ASIC2: variants seen among roughly 807,000 people sequenced by gnomAD.
ASIC2 encodes the protein acid-sensing ion channel 2.
ASIC2 carries 25 observed loss-of-function variants against 57.3 expected under a neutral mutation model. That is an observed-to-expected ratio of 0.44 (90% CI 0.32 to 0.61). ASIC2 has a LOEUF of 0.61. Among genes scored for constraint, ASIC2 ranks in the 20% least tolerant of loss-of-function variants. The pLI, the probability that ASIC2 is intolerant of heterozygous loss-of-function variation, is 0.06. For missense variants in ASIC2, 641 were observed against 738.1 expected, an observed-to-expected ratio of 0.87 and a Z score of 1.52; for synonymous variants, 319 against 307.5, an observed-to-expected ratio of 1.04 and a Z score of -0.39.
At chr17:33,832,456 C>G (rs1186005523) in intron 1 of ASIC2, among the ~76,000 whole-genome samples, 1 of 152,180 alleles carries the variant, frequency 6.6e-6, no homozygotes, top group East Asian at 1.9e-4. Flanking sequence ...TAATGACAGG[C>G]AGGCAGCCTT....
chr17:33,686,340 G>A (rs1380658519), intron 1 of ASIC2, among the ~76,000 whole-genome samples: 1 of 152,182 alleles, frequency 6.6e-6, no homozygotes, highest in African/African-American at 2.4e-5. Context: ...TTCCTATGGA[G>A]AGCACCCAGG....
intron 1 of ASIC2, among the ~76,000 whole-genome samples, chr17:34,068,952 A>G (rs1055593221): frequency 2.6e-5 from 4 of 152,116 alleles, no homozygotes; most frequent in Non-Finnish European, 4.4e-5. Flanking sequence ...AACTGGGAGG[A>G]AACAAAAGCA....
chr17:33,875,384 A>ATAACAACACATTATAAACTATGTAG (rs1914522138), intron 1 of ASIC2, among the ~76,000 whole-genome samples: 1 of 152,248 alleles, frequency 6.6e-6, no homozygotes, highest in African/African-American at 2.4e-5. Flanking sequence ...AATGCTTTTT[A>ATAACAACACATTATAAACTATGTAG]TAACAACACA....
At chr17:34,040,063 AG>A (rs577316669) in intron 1 of ASIC2, among the ~76,000 whole-genome samples, 10 of 144,438 alleles carry the variant, frequency 6.9e-5, no homozygotes, top group Middle Eastern at 3.5e-3. Context: ...CGGGCGGGGG[AG>A]GGGGGGCACG....
At chr17:33,213,885 C>A (rs1273960158) in intron 1 of ASIC2, among the ~76,000 whole-genome samples, 1 of 152,196 alleles carries the variant, frequency 6.6e-6, no homozygotes, top group Non-Finnish European at 1.5e-5. Context: ...TCTGGGCATT[C>A]TCACAAGTTG....
chr17:33,537,070 G>C (rs1915256689), intron 1 of ASIC2, among the ~76,000 whole-genome samples: 1 of 152,074 alleles, frequency 6.6e-6, no homozygotes, highest in Non-Finnish European at 1.5e-5. Context: ...AACCTCTCTG[G>C]GCCTTCCCAT....
intron 1 of ASIC2, among the ~76,000 whole-genome samples, chr17:34,083,156 G>A (rs1435694200): frequency 1.4e-5 from 2 of 147,120 alleles, no homozygotes; most frequent in African/African-American, 5.0e-5. Flanking sequence ...ATATCTCCCA[G>A]TGCTATCCCT....
intron 1 of ASIC2, among the ~76,000 whole-genome samples, chr17:33,665,071 GC>G (rs1907426024): frequency 6.6e-6 from 1 of 151,870 alleles, no homozygotes; most frequent in African/African-American, 2.4e-5. Flanking sequence ...GAAACAAGAG[GC>G]TCAGAAAGGT....
chr17:33,754,674 T>C (rs991458335), intron 1 of ASIC2, among the ~76,000 whole-genome samples: 3 of 152,146 alleles, frequency 2.0e-5, no homozygotes, highest in Non-Finnish European at 4.4e-5. Flanking sequence ...CAGTTCCCTA[T>C]AGGCTGGTGC....
At chr17:33,593,506 T>A (rs1904889843) in intron 1 of ASIC2, among the ~76,000 whole-genome samples, 1 of 152,220 alleles carries the variant, frequency 6.6e-6, no homozygotes, top group Non-Finnish European at 1.5e-5. Flanking sequence ...AGGGTGGGTT[T>A]CTGAGCTAGA....
chr17:33,339,102 T>TA (rs773245985), intron 1 of ASIC2, among the ~76,000 whole-genome samples: 102 of 150,630 alleles, frequency 6.8e-4, no homozygotes, highest in Non-Finnish European at 5.8e-4. Context: ...AAAATTAAGT[T>TA]AAAAAAAAAG....
intron 1 of ASIC2, among the ~76,000 whole-genome samples, chr17:33,208,271 T>C (rs963131944): frequency 2.6e-5 from 4 of 152,194 alleles, no homozygotes; most frequent in Non-Finnish European, 5.9e-5. Flanking sequence ...AAGGTTAAAG[T>C]CAAGAACATG....
chr17:33,281,397 C>G (rs1904941951), intron 1 of ASIC2, among the ~76,000 whole-genome samples: 1 of 152,198 alleles, frequency 6.6e-6, no homozygotes, highest in East Asian at 1.9e-4. Context: ...ATAGTGGTAG[C>G]TCACATTTAT....
chr17:33,031,654 T>A (rs1214791748), intron 3 of ASIC2, among the ~76,000 whole-genome samples: 1 of 152,202 alleles, frequency 6.6e-6, no homozygotes, highest in Non-Finnish European at 1.5e-5. Flanking sequence ...ATATCTTTAC[T>A]AATTTTTTCA....
Position 33,091,842 on chromosome 17 carries a change from A to G in ASIC2, c.860-2852T>C, listed in dbSNP as rs573171724. Among the ~76,000 whole-genome samples the G allele has an allele frequency of 8.5e-5, 13 of 152,350 alleles. No homozygotes were observed. The East Asian group carries it at 2.5e-3, about 29-fold the overall frequency. On this transcript the variant is annotated intron_variant, in intron 2 of 9. Transcript: ENST00000225823. ...CTTTCTGCAAAGATGGGAACGTGCT[A>G]TTCCCTGTGCTGCCCAACATGGTAG... is the stretch of plus-strand genomic sequence containing the variant.
intron 1 of ASIC2, among the ~76,000 whole-genome samples, chr17:33,691,525 G>T (rs1297831015): frequency 6.6e-6 from 1 of 152,118 alleles, no homozygotes; most frequent in Non-Finnish European, 1.5e-5. Context: ...TTCTTTCTAT[G>T]AGCTGTAGTT....
chr17:33,384,880 A>G (rs1267741884), intron 1 of ASIC2, among the ~76,000 whole-genome samples: 2 of 152,186 alleles, frequency 1.3e-5, no homozygotes, highest in East Asian at 1.9e-4. Flanking sequence ...CATATGCCCA[A>G]TGCCATCATA....
chr17:33,679,710 G>C (rs1476422265), intron 1 of ASIC2, among the ~76,000 whole-genome samples: 2 of 152,180 alleles, frequency 1.3e-5, no homozygotes, highest in Non-Finnish European at 2.9e-5. Context: ...GAGCTGTGAG[G>C]CCAAGGAAGA....
At chr17:33,986,608 T>C (rs1905827488) in intron 1 of ASIC2, among the ~76,000 whole-genome samples, 1 of 152,148 alleles carries the variant, frequency 6.6e-6, no homozygotes, top group Non-Finnish European at 1.5e-5. Context: ...AACAATGTCA[T>C]GGGAGGGACA....
Sources: allele counts gnomAD v4.1 joint callset (sites outside exome capture counted in the v4.1 genomes callset), GRCh38; gene constraint gnomAD v4.1.1; transcripts MANE v1.5; gene names NCBI Gene and HGNC (gene_info 2026-07-23, HGNC 2026-07-21).